Variants in CDH13 observed in about 807,000 individuals in gnomAD.
The protein encoded by CDH13 is cadherin 13.
In CDH13, 24 loss-of-function variants were observed where a neutral mutation model predicts 63.8. The ratio of observed to expected loss-of-function variants is 0.38; its 90% CI spans 0.27 to 0.53. CDH13 has a LOEUF of 0.53. Among genes scored for constraint, CDH13 ranks in the 20% least tolerant of loss-of-function variants. CDH13 has a pLI of 0.85. For missense variants in CDH13, 1,049 were observed against 903.1 expected (o/e 1.16, Z -2.07); for synonymous variants, 503 against 355.3 (o/e 1.42, Z -4.67).
At chr16:82,968,095 G>C (rs1294740126) in intron 2 of CDH13, among the ~76,000 whole-genome samples, 2 of 152,122 alleles carry the variant, frequency 1.3e-5, no homozygotes, top group Admixed American at 6.5e-5. Context: ...CCCAACTTAA[G>C]AATTTATTTC....
chr16:82,794,982 G>T (rs2036512497), intron 1 of CDH13, among the ~76,000 whole-genome samples: 1 of 152,178 alleles, frequency 6.6e-6, no homozygotes, highest in Admixed American at 6.5e-5. Context: ...AGTCCTGAGA[G>T]ATTCTGAAGA....
intron 6 of CDH13, among the ~76,000 whole-genome samples, chr16:83,461,147 T>G (rs2073171037): frequency 6.6e-6 from 1 of 152,126 alleles, no homozygotes; most frequent in Admixed American, 6.5e-5. Context: ...TGGATACAAG[T>G]GTTGACTGTA....
chr16:83,376,170 G>A (rs1056229073), intron 6 of CDH13, among the ~76,000 whole-genome samples: 2 of 152,120 alleles, frequency 1.3e-5, no homozygotes, highest in Non-Finnish European at 2.9e-5. Context: ...AGCAAATGAA[G>A]CTGCCCCTCG....
At chr16:82,844,309 G>C (rs1410603317) in intron 1 of CDH13, 4 of 152,192 alleles carry the variant, frequency 2.6e-5, no homozygotes, top group Admixed American at 6.5e-5. Flanking sequence ...TCTCCTGAAG[G>C]AGTTCAGCCC....
At chr16:83,185,549 G>T (rs950465287) in intron 4 of CDH13, among the ~76,000 whole-genome samples, 6 of 152,074 alleles carry the variant, frequency 3.9e-5, no homozygotes, top group African/African-American at 1.4e-4. Context: ...TTCTCACCAC[G>T]GTAAGTCATG....
chr16:83,339,794 A>G (rs113108883), intron 5 of CDH13, among the ~76,000 whole-genome samples: 133 of 152,272 alleles, frequency 8.7e-4, no homozygotes, highest in African/African-American at 2.9e-3. Context: ...CAAGCTTTCC[A>G]CCGTGTGAGC....
chr16:83,048,753 C>T (rs2029928553), intron 3 of CDH13, among the ~76,000 whole-genome samples: 2 of 152,086 alleles, frequency 1.3e-5, no homozygotes, highest in African/African-American at 4.8e-5. Context: ...CTTCATTTCG[C>T]ATTTCCCCTC....
intron 5 of CDH13, among the ~76,000 whole-genome samples, chr16:83,343,889 ATATAG>A (rs2151361921): frequency 6.6e-6 from 1 of 152,330 alleles, no homozygotes; most frequent in Non-Finnish European, 1.5e-5. Context: ...AAGTGAGATA[ATATAG>A]TATAGAGCTA....
chr16:82,725,896 A>C (rs1009318608), intron 1 of CDH13, among the ~76,000 whole-genome samples: 2 of 152,136 alleles, frequency 1.3e-5, no homozygotes, highest in South Asian at 2.1e-4. Context: ...TCATAGACTT[A>C]ATAAGGCCTG....
intron 1 of CDH13, among the ~76,000 whole-genome samples, chr16:82,845,304 C>T (rs2039211176): frequency 6.6e-6 from 1 of 152,168 alleles, no homozygotes; most frequent in South Asian, 2.1e-4. Flanking sequence ...GAGGGCTGTC[C>T]ATAGGAGCAT....
At chr16:82,777,002 G>A (rs553331814) in intron 1 of CDH13, among the ~76,000 whole-genome samples, 14 of 152,318 alleles carry the variant, frequency 9.2e-5, no homozygotes, top group Middle Eastern at 3.4e-3. Flanking sequence ...GTGCAGTGAC[G>A]TGATGCAATC....
chr16:83,531,636 G>C (rs1317755301), intron 7 of CDH13, among the ~76,000 whole-genome samples: 2 of 152,208 alleles, frequency 1.3e-5, no homozygotes, highest in African/African-American at 4.8e-5. Context: ...CCCTACAAGA[G>C]GGAGGCGAGT....
intron 3 of CDH13, among the ~76,000 whole-genome samples, chr16:83,032,951 C>T (rs548893514): frequency 1.6e-4 from 24 of 152,094 alleles, no homozygotes; most frequent in African/African-American, 3.9e-4. Flanking sequence ...TATACATATA[C>T]GGTGTATGTG....
chr16:83,315,420 A>C lies in CDH13; in HGVS notation c.637-29442A>C, dbSNP rs1190934033. Among the ~76,000 whole-genome samples the C allele has an allele frequency of 1.3e-5, 2 of 152,340 alleles. 1 individual carries two copies. Among genetic ancestry groups the C allele is most frequent in the East Asian group, 3.9e-4 (2 of 5,186 alleles). ...GAACCTTGGAGTTAACTGTGTGCAC[A>C]TTTAAACCTCACCTCCAACCCCACT... On this transcript the variant is annotated intron_variant, in intron 5 of 13. Coordinates refer to ENST00000567109, the MANE Select transcript of CDH13 (RefSeq NM_001257.5).
intron 3 of CDH13, among the ~76,000 whole-genome samples, chr16:83,083,243 A>AG (rs1475186211): frequency 6.6e-6 from 1 of 152,228 alleles, no homozygotes; most frequent in East Asian, 1.9e-4. Flanking sequence ...TTGGGAGAAG[A>AG]GCCCAACTGG....
At chr16:83,745,726 T>C (rs1912517710) in intron 10 of CDH13, among the ~76,000 whole-genome samples, 1 of 152,172 alleles carries the variant, frequency 6.6e-6, no homozygotes, top group African/African-American at 2.4e-5. Flanking sequence ...AGATGACCTT[T>C]AAGTCATGGA....
At chr16:83,293,294 C>T (rs567570676) in intron 5 of CDH13, among the ~76,000 whole-genome samples, 13 of 152,246 alleles carry the variant, frequency 8.5e-5, no homozygotes, top group Admixed American at 2.6e-4. Context: ...AAGCTTATTA[C>T]GTTAGAACCT....
chr16:83,257,166 G>C (rs966584067), intron 5 of CDH13, among the ~76,000 whole-genome samples: 4 of 152,122 alleles, frequency 2.6e-5, no homozygotes, highest in Non-Finnish European at 5.9e-5. Context: ...TAGCATTTGA[G>C]CCTGCTTCCT....
chr16:82,775,162 T>C (rs570282906), intron 1 of CDH13, among the ~76,000 whole-genome samples: 56 of 152,304 alleles, frequency 3.7e-4, no homozygotes, highest in Non-Finnish European at 6.0e-4. Flanking sequence ...GGATGACAGC[T>C]GTACCTACTG....
Sources: allele counts gnomAD v4.1 joint callset (sites outside exome capture counted in the v4.1 genomes callset), GRCh38; gene constraint gnomAD v4.1.1; transcripts MANE v1.5; gene names NCBI Gene and HGNC (gene_info 2026-07-23, HGNC 2026-07-21).